Variants in PHF14 observed in about 807,000 individuals in gnomAD.
PHF14 encodes PHD finger protein 14.
In PHF14, 55 loss-of-function variants were observed where a neutral mutation model predicts 117.9. The ratio of observed to expected loss-of-function variants is 0.47; its 90% CI spans 0.38 to 0.58. The LOEUF (loss-of-function observed/expected upper bound fraction) is 0.58. Ranked by LOEUF, PHF14 falls within the 20% of genes least tolerant of loss-of-function variation. The probability of loss-of-function intolerance (pLI) is 0.00; values close to 1 mark genes in which losing one functional copy is unlikely to be tolerated. For missense variants in PHF14, 978 were observed against 1,122.2 expected (o/e 0.87, Z 1.84); for synonymous variants, 409 against 368.6 (o/e 1.11, Z -1.26).
chr7:11,151,371 C>T (rs1480347248), intron 17 of PHF14, among the ~76,000 whole-genome samples: 2 of 152,004 alleles, frequency 1.3e-5, no homozygotes, highest in Non-Finnish European at 2.9e-5. Context: ...GCCTAGGCAA[C>T]ATAGTGAGAC....
chr7:11,048,823 G>A (rs528915806), intron 13 of PHF14, among the ~76,000 whole-genome samples: 1 of 152,280 alleles, frequency 6.6e-6, no homozygotes, highest in South Asian at 2.1e-4. Flanking sequence ...CAATCATGTG[G>A]CGGTTGTCTT....
intron 4 of PHF14, among the ~76,000 whole-genome samples, chr7:11,001,714 G>A (rs1331681872): frequency 6.6e-6 from 1 of 152,118 alleles, no homozygotes; most frequent in Non-Finnish European, 1.5e-5. Context: ...TGTATATTAA[G>A]TTTGTATGCT....
At chr7:11,076,323 TTTTC>T (rs1424757283) in intron 16 of PHF14, among the ~76,000 whole-genome samples, 35 of 152,336 alleles carry the variant, frequency 2.3e-4, no homozygotes, top group African/African-American at 7.0e-4. Flanking sequence ...TGCTGTTTTA[TTTTC>T]TTTATTTTAT....
intron 17 of PHF14, among the ~76,000 whole-genome samples, chr7:11,134,840 G>T (rs1428105537): frequency 2.0e-5 from 3 of 151,918 alleles, no homozygotes; most frequent in Non-Finnish European, 4.4e-5. Context: ...ACTATAGAAG[G>T]ATACACAATG....
At chr7:10,988,025 A>G (rs1782287391) in intron 3 of PHF14, among the ~76,000 whole-genome samples, 1 of 151,442 alleles carries the variant, frequency 6.6e-6, no homozygotes, top group Admixed American at 6.6e-5. Context: ...TCAAAAAAAA[A>G]AAAAAAAGAA....
chr7:11,113,663 G>A (rs1025601850), intron 17 of PHF14, among the ~76,000 whole-genome samples: 3 of 151,996 alleles, frequency 2.0e-5, no homozygotes, highest in African/African-American at 4.8e-5. Context: ...TGAAACTTCC[G>A]GAGACTTAAT....
rs767273693 is a variant in PHF14 at position 10,974,841 on chromosome 7, G to A, written c.8G>A (p.Arg3His). 2.6e-6 allele frequency: 4 copies of A among 1,555,300 alleles called. No individual in the cohort carries two copies. The highest frequency in any genetic ancestry group is 1.2e-5 in the South Asian group (1 of 85,196). MD[R>H]SSKRRQVKPL... ...AATTTTTTTCTCTTCACAGTGGATCGCAGCTCCAAGAGGAGGCAGGTGAAG... is the reference window on the plus strand; with the variant it reads ...AATTTTTTTCTCTTCACAGTGGATCACAGCTCCAAGAGGAGGCAGGTGAAG... Residue 3 changes from arginine (R) to histidine (H), a missense_variant, in exon 2 of 18, where the codon CGC becomes CAC. Coordinates refer to ENST00000634607, the MANE Select transcript of PHF14 (RefSeq NM_001007157.2).
At chr7:11,064,146 C>T (rs1197339052) in intron 16 of PHF14, among the ~76,000 whole-genome samples, 1 of 151,598 alleles carries the variant, frequency 6.6e-6, no homozygotes, top group Non-Finnish European at 1.5e-5. Context: ...ATAATGTGAT[C>T]TTTAAAAAAA....
chr7:11,152,177 G>T (rs952205911), intron 17 of PHF14, among the ~76,000 whole-genome samples: 7 of 152,088 alleles, frequency 4.6e-5, no homozygotes, highest in African/African-American at 1.7e-4. Flanking sequence ...TATCCATTGA[G>T]CAAAAATTGG....
chr7:11,147,724 G>A (rs894261756), intron 17 of PHF14, among the ~76,000 whole-genome samples: 4 of 152,034 alleles, frequency 2.6e-5, no homozygotes, highest in Admixed American at 2.0e-4. Flanking sequence ...TATTAGTAAC[G>A]CTTGGTCATT....
chr7:11,025,042 C>A (rs1392532025), intron 6 of PHF14, among the ~76,000 whole-genome samples: 2 of 152,066 alleles, frequency 1.3e-5, no homozygotes, highest in East Asian at 3.9e-4. Context: ...TCAAAATATC[C>A]ATATTAACAG....
rs139080134 is a variant in PHF14, at chr7:11,116,962, A to G, written c.2772+5495A>G. On this transcript the variant is annotated intron_variant, in intron 17 of 17. Coordinates refer to ENST00000634607, the MANE Select transcript of PHF14 (RefSeq NM_001007157.2). Reference sequence around the variant, plus strand: ...AGTAGACTTAGTATTGTAATTTAAAAAGTAGGACATAGCTCATGCTTCAGT... The same window carrying G: ...AGTAGACTTAGTATTGTAATTTAAAGAGTAGGACATAGCTCATGCTTCAGT... 5.9e-5 allele frequency among the ~76,000 whole-genome samples: 9 copies of G among 152,108 alleles called. No homozygotes were observed. The East Asian group carries it at 1.7e-3, about 29-fold the overall frequency.
intron 17 of PHF14, among the ~76,000 whole-genome samples, chr7:11,120,692 T>C (rs915840033): frequency 6.6e-6 from 1 of 152,082 alleles, no homozygotes; most frequent in African/African-American, 2.4e-5. Flanking sequence ...ACTTTTAATA[T>C]TGATGGTAAT....
At chr7:11,097,243 T>G (rs1786911884) in intron 16 of PHF14, among the ~76,000 whole-genome samples, 2 of 152,156 alleles carry the variant, frequency 1.3e-5, no homozygotes, top group Admixed American at 6.5e-5. Context: ...CCTCCCGAAG[T>G]GCTGGGATTA....
chr7:11,084,134 T>G (rs1786282373), intron 16 of PHF14, among the ~76,000 whole-genome samples: 1 of 152,138 alleles, frequency 6.6e-6, no homozygotes, highest in Non-Finnish European at 1.5e-5. Context: ...CTTCAAAGTA[T>G]TTACAACCAT....
chr7:10,982,373 T>A lies in PHF14; in HGVS notation c.114T>A (p.Asp38Glu), dbSNP rs1782070065. The A allele has an allele frequency of 2.6e-6, 4 of 1,542,370 alleles. No homozygotes were observed. The highest frequency in any genetic ancestry group is 3.5e-6 in the Non-Finnish European group (4 of 1,151,492). The change falls in exon 3 of 18, where the codon GAT becomes GAA. Residue 38 changes from aspartate to glutamate, a missense_variant and splice_region_variant. By Grantham distance (45) the Asp-to-Glu change is conservative. Transcript: ENST00000634607. The stretch of plus-strand genomic sequence containing the variant: ...TTTTTTTTCTCATATTTTCAACAGA[T>A]TCTGAAGGGAGTGGTAATGGAAGTG... ...DSDFKVGDAS[D>E]SEGSGNGSED...
chr7:11,022,129 T>G (rs1783756666), intron 5 of PHF14, among the ~76,000 whole-genome samples: 1 of 152,146 alleles, frequency 6.6e-6, no homozygotes, highest in African/African-American at 2.4e-5. Flanking sequence ...AAAAATGAAA[T>G]TAGAAACAAC....
intron 16 of PHF14, among the ~76,000 whole-genome samples, chr7:11,094,114 T>G (rs1007001998): frequency 3.3e-5 from 5 of 152,192 alleles, no homozygotes; most frequent in Non-Finnish European, 7.3e-5. Context: ...AGGTCTACAC[T>G]GCCAACCAGT....
intron 3 of PHF14, among the ~76,000 whole-genome samples, chr7:10,983,796 A>G (rs1006794592): frequency 3.3e-5 from 5 of 152,170 alleles, no homozygotes; most frequent in African/African-American, 9.7e-5. Flanking sequence ...AAACATTTCC[A>G]TCATAAAACA....
Sources: allele counts gnomAD v4.1 joint callset (sites outside exome capture counted in the v4.1 genomes callset), GRCh38; gene constraint gnomAD v4.1.1; transcripts MANE v1.5; gene names NCBI Gene and HGNC (gene_info 2026-07-23, HGNC 2026-07-21).